XKR9: variants seen among roughly 807,000 people sequenced by gnomAD.
XKR9 encodes the protein XK related 9.
Under a neutral mutation model 32.0 loss-of-function variants are expected in XKR9, and 32 were observed. The observed-to-expected ratio is 1.00, with a 90% CI of 0.76 to 1.34. XKR9 has a LOEUF of 1.34. Ranked by LOEUF, XKR9 falls within the 40% of genes most tolerant of loss-of-function variation. The pLI, the probability that XKR9 is intolerant of heterozygous loss-of-function variation, is 0.00. For missense variants in XKR9, 546 were observed against 429.7 expected (o/e 1.27, Z -2.39); for synonymous variants, 168 against 143.4 (o/e 1.17, Z -1.22).
intron 3 of XKR9, among the ~76,000 whole-genome samples, chr8:70,697,809 G>C (rs1250516085): frequency 6.6e-6 from 1 of 151,866 alleles, no homozygotes; most frequent in Non-Finnish European, 1.5e-5. Flanking sequence ...GAATCCATCT[G>C]GTCCTGGACT....
the XKR9 span, among the ~76,000 whole-genome samples, chr8:70,803,196 T>C: frequency 6.6e-6 from 1 of 152,214 alleles, no homozygotes; most frequent in Non-Finnish European, 1.5e-5. Flanking sequence ...GAATTGGTCT[T>C]CAAACTTGGA....
chr8:70,934,355 T>C, the XKR9 span, among the ~76,000 whole-genome samples: 3 of 152,090 alleles, frequency 2.0e-5, no homozygotes, highest in Non-Finnish European at 4.4e-5. Context: ...ATATTTTTAA[T>C]TTGATAAGAA....
the XKR9 span, among the ~76,000 whole-genome samples, chr8:71,013,711 T>G: frequency 6.6e-6 from 1 of 152,154 alleles, no homozygotes; most frequent in Non-Finnish European, 1.5e-5. Flanking sequence ...GCAATGAGAA[T>G]GGTTACCAAA....
chr8:70,689,507 A>G (rs975698023), intron 3 of XKR9, among the ~76,000 whole-genome samples: 29 of 148,734 alleles, frequency 1.9e-4, no homozygotes, highest in Admixed American at 7.4e-4. Context: ...TATTATATAT[A>G]TATGTATATT....
chr8:70,979,817 T>A, the XKR9 span, among the ~76,000 whole-genome samples: 1 of 152,236 alleles, frequency 6.6e-6, no homozygotes, highest in Non-Finnish European at 1.5e-5. Context: ...TGTTTAAGTC[T>A]GCAGAAGTTT....
downstream of XKR9, among the ~76,000 whole-genome samples, chr8:70,740,817 T>G (rs1423400811): frequency 6.6e-6 from 1 of 152,232 alleles, no homozygotes; most frequent in East Asian, 1.9e-4. Context: ...GTCTGATCGT[T>G]CCTCTGAAAG....
At chr8:70,877,011 C>A in the XKR9 span, among the ~76,000 whole-genome samples, 2 of 151,996 alleles carry the variant, frequency 1.3e-5, no homozygotes, top group African/African-American at 4.8e-5. Context: ...GGAAGAAATA[C>A]CCAAGACTGG....
At chr8:70,889,293 T>C in the XKR9 span, among the ~76,000 whole-genome samples, 1 of 151,974 alleles carries the variant, frequency 6.6e-6, no homozygotes, top group Non-Finnish European at 1.5e-5. Flanking sequence ...GATTTTCATA[T>C]GGTGATTTAG....
At chr8:70,855,678 G>C in the XKR9 span, among the ~76,000 whole-genome samples, 1 of 152,234 alleles carries the variant, frequency 6.6e-6, no homozygotes, top group African/African-American at 2.4e-5. Context: ...ATAATTGTCA[G>C]ATTCACCAAA....
intron 2 of XKR9, among the ~76,000 whole-genome samples, chr8:70,759,276 G>A (rs188848916): frequency 1.8e-4 from 28 of 152,292 alleles, no homozygotes; most frequent in African/African-American, 6.3e-4. Context: ...GCAACTGGAT[G>A]TGCATTGGGC....
the XKR9 span, among the ~76,000 whole-genome samples, chr8:70,922,425 C>T: frequency 6.6e-6 from 1 of 152,088 alleles, no homozygotes; most frequent in African/African-American, 2.4e-5. Context: ...TTTCCAATCC[C>T]CTTTTGGGGG....
At chr8:70,713,088 A>G (rs1805974258) in intron 4 of XKR9, among the ~76,000 whole-genome samples, 1 of 152,166 alleles carries the variant, frequency 6.6e-6, no homozygotes, top group South Asian at 2.1e-4. Flanking sequence ...GAAAACTATT[A>G]AAAATGAGTT....
At chr8:71,051,890 C>A in the XKR9 span, among the ~76,000 whole-genome samples, 1 of 152,142 alleles carries the variant, frequency 6.6e-6, no homozygotes, top group Non-Finnish European at 1.5e-5. Context: ...GAAGTTGTAT[C>A]AGTTTCCACA....
chr8:70,832,276 A>G, the XKR9 span, among the ~76,000 whole-genome samples: 1 of 152,198 alleles, frequency 6.6e-6, no homozygotes, highest in Non-Finnish European at 1.5e-5. Flanking sequence ...TTCAACGAAC[A>G]AAGGAGTCTG....
chr8:70,986,284 G>T, the XKR9 span, among the ~76,000 whole-genome samples: 2 of 152,050 alleles, frequency 1.3e-5, no homozygotes, highest in Non-Finnish European at 2.9e-5. Flanking sequence ...AACTTTGCAG[G>T]GAATTCAAAA....
the XKR9 span, among the ~76,000 whole-genome samples, chr8:70,889,548 A>G: frequency 6.6e-6 from 1 of 150,854 alleles, no homozygotes; most frequent in Non-Finnish European, 1.5e-5. Flanking sequence ...TTCAACAGTT[A>G]CTCCTCTCTT....
intron 1 of XKR9, among the ~76,000 whole-genome samples, chr8:70,672,414 CT>C (rs1312601958): frequency 6.6e-6 from 1 of 152,078 alleles, no homozygotes; most frequent in Non-Finnish European, 1.5e-5. Context: ...GAAATATGAT[CT>C]CATTTTTTTA....
At chr8:71,050,572 G>T in the XKR9 span, among the ~76,000 whole-genome samples, 1 of 152,156 alleles carries the variant, frequency 6.6e-6, no homozygotes, top group Non-Finnish European at 1.5e-5. Context: ...TAAGAGATTT[G>T]AATAGAAGAT....
intron 4 of XKR9, 61 bp downstream of exon 4, chr8:70,707,214 T>G: frequency 7.5e-7 from 1 of 1,338,318 alleles, no homozygotes; most frequent in Non-Finnish European, 1.0e-6. Context: ...GTCAACTATA[T>G]AAATCTTTGG....
Sources: allele counts gnomAD v4.1 joint callset (sites outside exome capture counted in the v4.1 genomes callset), GRCh38; gene constraint gnomAD v4.1.1; transcripts MANE v1.5; gene names NCBI Gene and HGNC (gene_info 2026-07-23, HGNC 2026-07-21).